ABCA13: variants seen among roughly 807,000 people sequenced by gnomAD.
ABCA13 encodes ATP-binding cassette sub-family A member 13.
ABCA13 carries 476 observed loss-of-function variants against 478.7 expected under a neutral mutation model. The observed-to-expected ratio is 0.99, with a 90% confidence interval of 0.92 to 1.07. The LOEUF is 1.07. ABCA13 is among the 50% of genes least tolerant of loss of function. The probability of loss-of-function intolerance (pLI) is 0.00; values close to 1 mark genes in which losing one functional copy is unlikely to be tolerated. For missense variants in ABCA13, 6,060 were observed against 5,910.6 expected, an observed-to-expected ratio of 1.03 and a Z score of -0.83; for synonymous variants, 2,252 against 2,158.9, an observed-to-expected ratio of 1.04 and a Z score of -1.20.
chr7:48,446,941 G>T (rs553789740), intron 42 of ABCA13, among the ~76,000 whole-genome samples: 1 of 152,116 alleles, frequency 6.6e-6, no homozygotes, highest in African/African-American at 2.4e-5. Context: ...ATAGATTTGG[G>T]CAGGATAAAT....
intron 42 of ABCA13, among the ~76,000 whole-genome samples, chr7:48,431,000 T>A (rs1822067302): frequency 6.6e-6 from 1 of 152,212 alleles, no homozygotes; most frequent in Non-Finnish European, 1.5e-5. Flanking sequence ...CTCTAAGCAT[T>A]GCTTCAGCTG....
At position 48,645,574 on chromosome 7, in the gene ABCA13, A is replaced by T. The variant is rs772510700; in HGVS notation, c.*62A>T. 7.3e-7 allele frequency: 1 copy of T among 1,371,496 alleles called. No homozygotes were observed. The highest frequency in any genetic ancestry group is 1.0e-6 in the Non-Finnish European group (1 of 988,610). 85.0% of individuals were successfully genotyped at this position (1,371,496 alleles called of 1,614,324 possible). A position where few individuals can be genotyped will look rare whatever the true frequency, so the allele number is the denominator to read the frequency against. ...CTTCCATTACAATTAACAGTCAAGG[A>T]TAAAACAAGCACGCGCACAATCAAG... On this transcript the variant is annotated 3_prime_UTR_variant, in exon 62 of 62. Transcript: ENST00000435803.
intron 31 of ABCA13, among the ~76,000 whole-genome samples, chr7:48,362,770 A>G (rs1811085045): frequency 6.6e-6 from 1 of 151,958 alleles, no homozygotes; most frequent in South Asian, 2.1e-4. Flanking sequence ...CTCTTATTTC[A>G]TCATATATTT....
At position 48,645,852 on chromosome 7, in the gene ABCA13, T is replaced by G; in HGVS notation, c.*340T>G. 3.9e-6 allele frequency: 1 copy of G among 256,682 alleles called. No individual in the cohort carries two copies. Among genetic ancestry groups the G allele is most frequent in the East Asian group, 1.4e-4 (1 of 7,146 alleles). 15.9% of individuals were successfully genotyped at this position (256,682 alleles called of 1,614,324 possible). ...GGAAAGCCTGTCACACTAGAGTGTG[T>G]GTGACATGTCCACTCTAAACATGTC... On this transcript the variant is annotated 3_prime_UTR_variant, in exon 62 of 62. Transcript: ENST00000435803.
intron 57 of ABCA13, among the ~76,000 whole-genome samples, chr7:48,591,960 C>T (rs1789797831): frequency 6.6e-6 from 1 of 151,784 alleles, no homozygotes; most frequent in South Asian, 2.1e-4. Flanking sequence ...TTTGTCTTGA[C>T]TAATTGCTCT....
chr7:48,560,145 A>G (rs991178319), intron 55 of ABCA13, among the ~76,000 whole-genome samples: 11 of 152,170 alleles, frequency 7.2e-5, no homozygotes, highest in African/African-American at 2.7e-4. Flanking sequence ...CTAGGACCCT[A>G]GAGCCCTTTA....
chr7:48,588,836 A>C (rs1789456683), intron 57 of ABCA13, among the ~76,000 whole-genome samples: 1 of 152,196 alleles, frequency 6.6e-6, no homozygotes, highest in African/African-American at 2.4e-5. Context: ...CAACAGAGAG[A>C]CTAGAAGTGA....
intron 35 of ABCA13, 98 bp from the exon 36 acceptor site, chr7:48,387,724 C>T: frequency 5.8e-6 from 6 of 1,025,876 alleles, no homozygotes; most frequent in Non-Finnish European, 8.2e-6. Context: ...AAAATATTAA[C>T]ATGGGATGAC....
chr7:48,367,553 G>T (rs1467584989), intron 31 of ABCA13, among the ~76,000 whole-genome samples: 1 of 152,098 alleles, frequency 6.6e-6, no homozygotes. Flanking sequence ...ATTGTGGTTG[G>T]GCTATGGCTC....
intron 42 of ABCA13, among the ~76,000 whole-genome samples, chr7:48,450,211 AGTTCAG>A (rs1257497914): frequency 6.6e-6 from 1 of 152,240 alleles, no homozygotes; most frequent in Non-Finnish European, 1.5e-5. Context: ...GATCTACATT[AGTTCAG>A]AGAGCCATTT....
chr7:48,293,192 G>GCACCCCCCCCCCCCC (rs748200533), intron 20 of ABCA13, among the ~76,000 whole-genome samples: 2 of 108,278 alleles, frequency 1.8e-5, no homozygotes, highest in Non-Finnish European at 3.9e-5. Context: ...GAAGTCTTCA[G>GCACCCCCCCCCCCCC]CCCCCCCCCC....
Position 48,336,856 on chromosome 7 carries a change from G to A in ABCA13, c.10113+1321G>A, listed in dbSNP as rs561821312. On this transcript the variant is annotated intron_variant, in intron 28 of 61. Transcript: ENST00000435803. ...ATCAGCAAACCTTTGCAGTTAATGGGACAGATAGTATTTTAGACTAGATAA... is the reference window on the plus strand; with the variant it reads ...ATCAGCAAACCTTTGCAGTTAATGGAACAGATAGTATTTTAGACTAGATAA... Among the ~76,000 whole-genome samples the A allele has an allele frequency of 3.3e-5, 5 of 152,300 alleles. No homozygotes were observed. The South Asian group carries it at 1.0e-3, about 32-fold the overall frequency.
At chr7:48,311,928 G>T (rs888416073) in intron 24 of ABCA13, among the ~76,000 whole-genome samples, 1 of 152,140 alleles carries the variant, frequency 6.6e-6, no homozygotes, top group Non-Finnish European at 1.5e-5. Flanking sequence ...TTGGAGCTGC[G>T]CTGGATCCCT....
rs776475998 is a variant in ABCA13 at position 48,594,768 on chromosome 7, T to C, written c.14699T>C (p.Met4900Thr). The C allele has an allele frequency of 2.5e-6, 4 of 1,613,850 alleles. No individual in the cohort carries two copies. The African/African-American group carries it at 4.0e-5, about 16-fold the overall frequency. ...AAGCGGTACCTGTGGCAAACAATAA[T>C]GAAGGAGGTTCGGGAAGGCTGTGCT... ...CSKRYLWQTI[M>T]KEVREGCAAV... The change falls in exon 58 of 62, where the codon ATG (methionine) becomes ACG (threonine). Residue 4900 changes from methionine (M) to threonine (T), a missense_variant. By Grantham distance (81) the Met-to-Thr change is moderately conservative (BLOSUM62 -1). This residue lies in a region of ABCA13 where 1,627 missense variants were observed against 1,571.0 expected (regional missense o/e 1.04). Coordinates refer to ENST00000435803, the MANE Select transcript of ABCA13 (RefSeq NM_152701.5).
intron 32 of ABCA13, among the ~76,000 whole-genome samples, chr7:48,371,038 C>T (rs972065385): frequency 6.6e-6 from 1 of 152,080 alleles, no homozygotes; most frequent in African/African-American, 2.4e-5. Flanking sequence ...AATAGGGAAC[C>T]CTTTCCCCAT....
intron 38 of ABCA13, among the ~76,000 whole-genome samples, chr7:48,399,876 C>T (rs1817353573): frequency 6.6e-6 from 1 of 152,174 alleles, no homozygotes; most frequent in Admixed American, 6.5e-5. Context: ...AGGAAAGAAA[C>T]AGCAGTTATA....
At chr7:48,414,154 T>A (rs1819639389) in intron 41 of ABCA13, among the ~76,000 whole-genome samples, 1 of 152,240 alleles carries the variant, frequency 6.6e-6, no homozygotes, top group Non-Finnish European at 1.5e-5. Context: ...ATGCGGTCAC[T>A]ACATCTTTTC....
intron 29 of ABCA13, among the ~76,000 whole-genome samples, chr7:48,344,587 T>C (rs1489497091): frequency 6.6e-6 from 1 of 152,192 alleles, no homozygotes; most frequent in East Asian, 1.9e-4. Context: ...TTTTTGCCCT[T>C]TCAGACTTAA....
chr7:48,338,252 C>T (rs891136526), intron 28 of ABCA13, 113 bp from the exon 29 acceptor site: 2 of 658,202 alleles, frequency 3.0e-6, no homozygotes, highest in Admixed American at 3.8e-5. Flanking sequence ...TAAGTGGATT[C>T]AGTTTATGTG....
Sources: gnomAD v4.1 joint callset for allele counts (sites outside exome capture counted in the v4.1 genomes callset) on GRCh38, gnomAD v4.1.1 for gene constraint, gnomAD v4.1.1 regional missense constraint, MANE v1.5 for transcripts, NCBI Gene and HGNC (gene_info 2026-07-23, HGNC 2026-07-21) for gene names.